Variants in ATG5 observed in about 807,000 individuals in gnomAD.
ATG5 encodes autophagy protein 5.
ATG5 carries 14 observed loss-of-function variants against 36.5 expected under a neutral mutation model. The ratio of observed to expected loss-of-function variants is 0.38; its 90% confidence interval spans 0.25 to 0.60. The LOEUF (loss-of-function observed/expected upper bound fraction) is 0.60. Ranked by LOEUF, ATG5 falls within the 20% of genes least tolerant of loss-of-function variation. The probability of loss-of-function intolerance (pLI) is 0.60; values close to 1 mark genes in which losing one functional copy is unlikely to be tolerated. For missense variants in ATG5, 195 were observed against 326.7 expected, an observed-to-expected ratio of 0.60 and a Z score of 3.11; for synonymous variants, 95 against 101.5, an observed-to-expected ratio of 0.94 and a Z score of 0.38.
At position 106,184,529 on chromosome 6, in the gene ATG5, C is replaced by T. The variant is rs1434618970; in HGVS notation, c.*2011G>A. On this transcript the variant is annotated 3_prime_UTR_variant, in exon 8 of 8. Coordinates refer to ENST00000369076, the MANE Select transcript of ATG5 (RefSeq NM_004849.4). ...ATTTAAATATTCAAATGAAAAGAAA[C>T]AAAAATAGATTATTTAAGCCAGCAT... 1 of 152,006 alleles carries T rather than the reference C, an allele frequency of 6.6e-6. No homozygotes were observed. Among genetic ancestry groups the T allele is most frequent in the Admixed American group, 6.6e-5 (1 of 15,232 alleles). The allele number at this position is 152,006 out of a possible 1,614,324, so 9.4% of individuals were successfully genotyped here.
At chr6:106,224,539 T>C (rs775579466) in intron 6 of ATG5, among the ~76,000 whole-genome samples, 3 of 152,162 alleles carry the variant, frequency 2.0e-5, no homozygotes, top group African/African-American at 4.8e-5. Context: ...TGGAAGTAGA[T>C]TGGTGGGACC....
chr6:106,243,523 C>A (rs1179866518), intron 6 of ATG5, among the ~76,000 whole-genome samples: 1 of 104,452 alleles, frequency 9.6e-6, no homozygotes, highest in Non-Finnish European at 1.8e-5. Flanking sequence ...GCAAGACCCT[C>A]TCTGGGGAAA....
chr6:106,325,599 G>A lies in ATG5; in HGVS notation c.-132C>T, dbSNP rs1224112811. The A allele has an allele frequency of 6.5e-6, 1 of 152,794 alleles. No individual in the cohort carries two copies. The highest frequency in any genetic ancestry group is 1.5e-5 in the Non-Finnish European group (1 of 68,186). The allele number at this position is 152,794 out of a possible 1,614,324, so 9.5% of individuals were successfully genotyped here. ...ACGCCCAGATTCCGCGCTCCGGTGG[G>A]GCGGCGGGGCAAGCTGCCCGCCTGA... On this transcript the variant is annotated 5_prime_UTR_variant, in exon 1 of 8. Coordinates refer to ENST00000369076, the MANE Select transcript of ATG5 (RefSeq NM_004849.4).
intron 5 of ATG5, among the ~76,000 whole-genome samples, chr6:106,267,435 C>T (rs57559815): frequency 0.025 from 3,758 of 152,236 alleles, 65 homozygotes; most frequent in African/African-American, 0.05. Context: ...ACAGATTCAA[C>T]GCTATTCCCA....
chr6:106,219,122 A>G (rs1201513052), intron 6 of ATG5, among the ~76,000 whole-genome samples: 2 of 152,200 alleles, frequency 1.3e-5, no homozygotes, highest in East Asian at 1.9e-4. Context: ...CTTTTGTTTT[A>G]TAACTATGAA....
At chr6:106,200,883 T>TACACAC (rs34936565) in intron 7 of ATG5, among the ~76,000 whole-genome samples, 1 of 151,364 alleles carries the variant, frequency 6.6e-6, no homozygotes, top group African/African-American at 2.4e-5. Context: ...CAGGACATTT[T>TACACAC]ACACACACAC....
intron 5 of ATG5, among the ~76,000 whole-genome samples, chr6:106,263,460 A>T (rs1458941511): frequency 6.6e-6 from 1 of 152,162 alleles, no homozygotes; most frequent in Admixed American, 6.5e-5. Context: ...TGAAGAGAGG[A>T]GCTGATCCTG....
chr6:106,317,292 C>T (rs888765133), intron 1 of ATG5, among the ~76,000 whole-genome samples: 1 of 152,184 alleles, frequency 6.6e-6, no homozygotes, highest in African/African-American at 2.4e-5. Flanking sequence ...CTTTGATAGG[C>T]AGCTAATTCA....
intron 5 of ATG5, among the ~76,000 whole-genome samples, chr6:106,252,212 T>G (rs1020181530): frequency 1.3e-5 from 2 of 152,194 alleles, no homozygotes; most frequent in Non-Finnish European, 2.9e-5. Context: ...GGGAGGAAGA[T>G]AATATATATA....
intron 2 of ATG5, 30 bp from the exon 3 acceptor site, chr6:106,308,521 A>G: frequency 6.8e-7 from 1 of 1,463,366 alleles, no homozygotes; most frequent in Admixed American, 2.5e-5. Flanking sequence ...AACCGTATTT[A>G]TTTACTAGTT....
intron 6 of ATG5, among the ~76,000 whole-genome samples, chr6:106,225,655 AAT>A (rs1343550111): frequency 6.6e-6 from 1 of 152,150 alleles, no homozygotes; most frequent in East Asian, 1.9e-4. Flanking sequence ...AAATTCTCAA[AAT>A]GAACTTTTTC....
At chr6:106,315,567 T>C (rs1770809875) in intron 2 of ATG5, among the ~76,000 whole-genome samples, 3 of 152,022 alleles carry the variant, frequency 2.0e-5, no homozygotes, top group South Asian at 2.1e-4. Flanking sequence ...ATATATTACA[T>C]ATTAGCTCAC....
At chr6:106,257,321 T>C (rs139159690) in intron 5 of ATG5, among the ~76,000 whole-genome samples, 1 of 152,328 alleles carries the variant, frequency 6.6e-6, no homozygotes, top group Non-Finnish European at 1.5e-5. Context: ...AGTAACATAG[T>C]CGTTTATCAT....
intron 2 of ATG5, among the ~76,000 whole-genome samples, chr6:106,309,935 G>GA (rs1363932976): frequency 1.3e-5 from 2 of 152,098 alleles, no homozygotes; most frequent in East Asian, 3.8e-4. Context: ...TAGGAGGGAA[G>GA]AAACACCACA....
At chr6:106,192,881 C>T (rs574813968) in intron 7 of ATG5, among the ~76,000 whole-genome samples, 2 of 152,132 alleles carry the variant, frequency 1.3e-5, no homozygotes, top group Non-Finnish European at 2.9e-5. Context: ...TAGTAAAACA[C>T]CAACTAATTG....
intron 4 of ATG5, among the ~76,000 whole-genome samples, chr6:106,284,898 T>C (rs1187632632): frequency 6.6e-6 from 1 of 152,344 alleles, no homozygotes; most frequent in Admixed American, 6.5e-5. Context: ...ATTAAACTGT[T>C]ATTAGATAGT....
chr6:106,203,808 T>C (rs1480437063), intron 6 of ATG5, among the ~76,000 whole-genome samples: 1 of 152,160 alleles, frequency 6.6e-6, no homozygotes, highest in African/African-American at 2.4e-5. Flanking sequence ...TCATATTTTA[T>C]AAGAATATGA....
chr6:106,300,828 T>C (rs1770178504), intron 3 of ATG5, among the ~76,000 whole-genome samples: 1 of 151,252 alleles, frequency 6.6e-6, no homozygotes, highest in South Asian at 2.1e-4. Flanking sequence ...AGAGTATGTA[T>C]TTTTTTTTAC....
intron 1 of ATG5, among the ~76,000 whole-genome samples, chr6:106,318,673 G>A (rs1341617492): frequency 6.6e-6 from 1 of 152,194 alleles, no homozygotes; most frequent in East Asian, 1.9e-4. Context: ...AAGGTATAAT[G>A]TAGTAGAGCT....
Sources: gnomAD v4.1 joint callset for allele counts (sites outside exome capture counted in the v4.1 genomes callset) on GRCh38, gnomAD v4.1.1 for gene constraint, MANE v1.5 for transcripts, NCBI Gene and HGNC (gene_info 2026-07-23, HGNC 2026-07-21) for gene names.